DVL3: variants seen among roughly 807,000 people sequenced by gnomAD.
DVL3 encodes the protein dishevelled segment polarity protein 3.
A neutral mutation model predicts 67.4 loss-of-function variants in DVL3; 27 were observed. The ratio of observed to expected loss-of-function variants is 0.40; its 90% CI spans 0.30 to 0.55. The LOEUF (loss-of-function observed/expected upper bound fraction) is 0.55, where lower values mean the gene tolerates loss of function less well. Ranked by LOEUF, DVL3 falls within the 20% of genes least tolerant of loss-of-function variation. DVL3 has a pLI of 0.46. For synonymous variants in DVL3, 369 were observed against 396.8 expected (o/e 0.93, Z 0.83); for missense variants, 819 against 1,021.5 (o/e 0.80, Z 2.70).
chr3:184,168,595 A>G (rs982503072), intron 13 of DVL3, among the ~76,000 whole-genome samples: 3 of 152,080 alleles, frequency 2.0e-5, no homozygotes, highest in Admixed American at 6.5e-5. Context: ...TGACAGGTTG[A>G]TGGCTTGGCT....
At chr3:184,158,075 C>T (rs998836692) in intron 1 of DVL3, among the ~76,000 whole-genome samples, 1 of 152,150 alleles carries the variant, frequency 6.6e-6, no homozygotes, top group Non-Finnish European at 1.5e-5. Flanking sequence ...TGGCTCACAC[C>T]TGTAATCTCA....
At position 184,168,043 on chromosome 3, in the gene DVL3, C is replaced by T; in HGVS notation, c.1476C>T (p.Tyr492=). ...NKITFSEQCY[Y]IFGDLCGNMA... ...TCACCTTCTCCGAGCAGTGCTACTA[C>T]ATCTTCGGTGACCTCTGCGGCAGTA... The change falls in exon 13 of 15, where the codon TAC becomes TAT. Residue 492 remains tyrosine (Y), a synonymous_variant. Coordinates refer to ENST00000313143, the MANE Select transcript of DVL3 (RefSeq NM_004423.4). The T allele has an allele frequency of 6.2e-7, 1 of 1,614,258 alleles. No individual in the cohort carries two copies. Among genetic ancestry groups the T allele is most frequent in the Middle Eastern group, 1.6e-4 (1 of 6,062 alleles).
rs1341471336 is a variant in DVL3 at position 184,164,263 on chromosome 3, T to A, written c.232-4T>A. On this transcript the variant is annotated splice_region_variant and splice_polypyrimidine_tract_variant and intron_variant, in intron 2 of 14. Coordinates refer to ENST00000313143, the MANE Select transcript of DVL3 (RefSeq NM_004423.4). The surrounding 1 kb of genome is among the most constrained non-coding windows in gnomAD (Gnocchi z 5.3). ...ATACTACTCACTCAGTTTCTCCCTT[T>A]CAGCTGGTGTCAGCTGAGGGCTCAC... 6.2e-7 allele frequency: 1 copy of A among 1,613,408 alleles called. No individual in the cohort carries two copies. The highest frequency in any genetic ancestry group is 8.5e-7 in the Non-Finnish European group (1 of 1,179,770).
In DVL3 at chr3:184,170,924, C is replaced by G. The variant is rs1221482879; in HGVS notation, c.*169C>G. 12 of 1,540,634 alleles carry G rather than the reference C, an allele frequency of 7.8e-6. No homozygotes were observed. In the Middle Eastern group the frequency reaches 1.2e-3, roughly 150 times the overall value. ...TGCTGCGAGGGTGGGGTGCACCTAC[C>G]GATTGGCTCTGCAGCCCCCTAACCT... On this transcript the variant is annotated 3_prime_UTR_variant, in exon 15 of 15. Coordinates refer to ENST00000313143, the MANE Select transcript of DVL3 (RefSeq NM_004423.4). This position sits in a 1 kb window ranked among gnomAD's most constrained non-coding sequence, Gnocchi z 6.5.
In DVL3 at chr3:184,170,277, C is replaced by T. The variant is rs1316848986; in HGVS notation, c.1715-42C>T. The stretch of plus-strand genomic sequence containing the variant: ...TAGGTGGGCCCCAGGCTTCCCCCGC[C>T]CGCTCAGCCTGCCCCACCCCGGCCC... On this transcript the variant is annotated intron_variant, in intron 14 of 14. Coordinates refer to ENST00000313143, the MANE Select transcript of DVL3 (RefSeq NM_004423.4). This position sits in a 1 kb window ranked among gnomAD's most constrained non-coding sequence, Gnocchi z 6.5. 2 of 1,595,712 alleles carry T rather than the reference C, an allele frequency of 1.3e-6. No homozygotes were observed. Among genetic ancestry groups the T allele is most frequent in the Admixed American group, 1.7e-5 (1 of 57,636 alleles).
intron 1 of DVL3, among the ~76,000 whole-genome samples, chr3:184,161,762 A>G (rs1714389849): frequency 6.6e-6 from 1 of 152,150 alleles, no homozygotes; most frequent in African/African-American, 2.4e-5. Flanking sequence ...CTGTTATTAT[A>G]TAGGAAAGAA....
At chr3:184,156,279 G>C (rs1048851711) in intron 1 of DVL3, 2 of 455,516 alleles carry the variant, frequency 4.4e-6, no homozygotes, top group Non-Finnish European at 8.8e-6. Flanking sequence ...GCTCTGCTGG[G>C]ACTTTGAGCT....
At chr3:184,158,537 G>A (rs1254979412) in intron 1 of DVL3, among the ~76,000 whole-genome samples, 1 of 152,044 alleles carries the variant, frequency 6.6e-6, no homozygotes, top group East Asian at 1.9e-4. Flanking sequence ...GTAAGCCTTG[G>A]AAAACTGTAG....
chr3:184,169,743 G>A (rs1714738212), intron 13 of DVL3, among the ~76,000 whole-genome samples: 1 of 152,186 alleles, frequency 6.6e-6, no homozygotes, highest in Non-Finnish European at 1.5e-5. Context: ...GCAAAAGCTT[G>A]GCCAGGGCCT....
chr3:184,163,827 T>G lies in DVL3; in HGVS notation c.231+101T>G, dbSNP rs1714465834. On this transcript the variant is annotated intron_variant, in intron 2 of 14. Coordinates refer to ENST00000313143, the MANE Select transcript of DVL3 (RefSeq NM_004423.4). This position sits in a 1 kb window ranked among gnomAD's most constrained non-coding sequence, Gnocchi z 4.5. ...TAGCTGGTGGTTTTAAGCTTCAGTA[T>G]CTGAATCTTTCTTTAGTTTTGCAAA... is the stretch of plus-strand genomic sequence containing the variant. 9.9e-7 allele frequency: 1 copy of G among 1,009,350 alleles called. No individual in the cohort carries two copies. Among genetic ancestry groups the G allele is most frequent in the South Asian group, 1.4e-5 (1 of 69,588 alleles). 62.5% of individuals were successfully genotyped at this position (1,009,350 alleles called of 1,614,324 possible).
At chr3:184,169,965 C>G (rs1177385080) in intron 13 of DVL3, 41 bp from the exon 14 acceptor site, 2 of 1,536,144 alleles carry the variant, frequency 1.3e-6, no homozygotes, top group African/African-American at 2.7e-5. Flanking sequence ...AGGGACCTCT[C>G]TCCGGAAAGA....
intron 1 of DVL3, chr3:184,156,577 C>T: frequency 2.4e-6 from 1 of 415,116 alleles, no homozygotes; most frequent in Non-Finnish European, 4.8e-6. Flanking sequence ...CTTCCCCTCC[C>T]TGGTGGGGTC....
intron 1 of DVL3, among the ~76,000 whole-genome samples, chr3:184,158,883 C>G (rs1411175353): frequency 6.7e-6 from 1 of 149,036 alleles, no homozygotes; most frequent in Non-Finnish European, 1.5e-5. Flanking sequence ...TCAGGTGATT[C>G]TCCTGCCTCA....
At position 184,163,659 on chromosome 3, in the gene DVL3, T is replaced by C. The variant is rs769760411; in HGVS notation, c.164T>C (p.Val55Ala). Residue 55 changes from valine to alanine, a missense_variant and splice_region_variant, in exon 2 of 15, where the codon GTG becomes GCG. Val to Ala is a moderately conservative substitution (Grantham distance 64). Transcript: ENST00000313143. The surrounding 1 kb of genome is among the most constrained non-coding windows in gnomAD (Gnocchi z 4.5). ...GTGACATCCCCCTTTCTCTGCAGAG[T>C]GGTGAAGGAGGAGATCTCGGATGAC... ...FFKSMDDDFG[V>A]VKEEISDDNA... 9.3e-6 allele frequency: 15 copies of C among 1,613,492 alleles called. No individual in the cohort carries two copies. The highest frequency in any genetic ancestry group is 1.3e-5 in the Non-Finnish European group (15 of 1,179,858).
intron 13 of DVL3, among the ~76,000 whole-genome samples, chr3:184,169,700 C>T (rs551036272): frequency 2.2e-4 from 33 of 152,248 alleles, no homozygotes; most frequent in Admixed American, 2.6e-4. Context: ...AGAGTTTTGC[C>T]GCTTCTAGCC....
rs570685572 is a variant in DVL3 at position 184,169,875 on chromosome 3, G to A, written c.1499-131G>A. On this transcript the variant is annotated intron_variant, in intron 13 of 14. Coordinates refer to ENST00000313143, the MANE Select transcript of DVL3 (RefSeq NM_004423.4). ...CAAAGGGGGTCTGCAGAAGGGGGGA[G>A]CTCTCTGGGCTGTGCCTCCTCTCAT... The A allele has an allele frequency of 1.1e-3, 861 of 802,620 alleles. 1 individual carries two copies. Among genetic ancestry groups the A allele is most frequent in the Non-Finnish European group, 1.3e-3 (693 of 523,864 alleles). The allele number at this position is 802,620 out of a possible 1,614,324, so 49.7% of individuals were successfully genotyped here.
In DVL3 at chr3:184,170,142, C is replaced by T. The variant is rs767932262; in HGVS notation, c.1635C>T (p.His545=). Residue 545 remains histidine, a synonymous_variant, in exon 14 of 15, where the codon CAC becomes CAT. Coordinates refer to ENST00000313143, the MANE Select transcript of DVL3 (RefSeq NM_004423.4). This position sits in a 1 kb window ranked among gnomAD's most constrained non-coding sequence, Gnocchi z 6.5. ...AFPYQYPPPP[H]PYNPHPGFPE... The stretch of plus-strand genomic sequence containing the variant: ...CGTACCAGTACCCGCCACCCCCGCA[C>T]CCATACAACCCGCACCCGGGCTTCC... The T allele has an allele frequency of 6.2e-7, 1 of 1,611,752 alleles. No homozygotes were observed. The highest frequency in any genetic ancestry group is 8.5e-7 in the Non-Finnish European group (1 of 1,179,960).
rs1349166170 is a variant in DVL3 at position 184,170,214 on chromosome 3, C to T, written c.1707C>T (p.His569=). The T allele has an allele frequency of 1.9e-6, 3 of 1,611,654 alleles. No homozygotes were observed. The African/African-American group carries it at 4.0e-5, about 22-fold the overall frequency. ...GCGGGGGCAGCGCCAGCAGTCAGCA[C>T]AGCGAAGGTAAGGTAGAGGGGCCGT... The part of the protein sequence containing the change: ...SYGGGSASSQ[H]SEGSRSSGSN... Residue 569 remains histidine, a synonymous_variant, in exon 14 of 15, where the codon CAC becomes CAT. Transcript: ENST00000313143. This position sits in a 1 kb window ranked among gnomAD's most constrained non-coding sequence, Gnocchi z 6.5.
chr3:184,169,108 T>G (rs1714706102), intron 13 of DVL3, among the ~76,000 whole-genome samples: 1 of 152,188 alleles, frequency 6.6e-6, no homozygotes, highest in Admixed American at 6.5e-5. Context: ...GGCCCTGCAC[T>G]CATTCTAGGC....
Sources: allele counts gnomAD v4.1 joint callset (sites outside exome capture counted in the v4.1 genomes callset), GRCh38; gene constraint gnomAD v4.1.1; non-coding constraint Gnocchi (gnomAD v3.1); transcripts MANE v1.5; gene names NCBI Gene and HGNC (gene_info 2026-07-23, HGNC 2026-07-21).